Variants in CDH12 observed in about 807,000 individuals in gnomAD.
CDH12 encodes cadherin-12.
CDH12 carries 41 observed loss-of-function variants against 74.1 expected under a neutral mutation model. The observed-to-expected ratio is 0.55, with a 90% CI of 0.43 to 0.72. The LOEUF is 0.72. Ranked by LOEUF, CDH12 falls within the 30% of genes least tolerant of loss-of-function variation. The pLI is 0.00. For missense variants in CDH12, 945 were observed against 977.2 expected (o/e 0.97, Z 0.44); for synonymous variants, 399 against 355.0 (o/e 1.12, Z -1.39).
chr5:22,572,118 TA>T (rs1050508992), intron 1 of CDH12, among the ~76,000 whole-genome samples: 2 of 152,132 alleles, frequency 1.3e-5, no homozygotes, highest in African/African-American at 4.8e-5. Flanking sequence ...CTTGAGTCTT[TA>T]CAAGTAAACA....
chr5:22,657,967 A>C (rs999870582), intron 1 of CDH12, among the ~76,000 whole-genome samples: 1 of 152,220 alleles, frequency 6.6e-6, no homozygotes, highest in African/African-American at 2.4e-5. Context: ...GCAATCAATA[A>C]AAGCTCATGA....
chr5:21,975,097 G>A lies in CDH12; in HGVS notation c.520C>T (p.Pro174Ser). 6.3e-7 allele frequency: 1 copy of A among 1,593,462 alleles called. No individual in the cohort carries two copies. The highest frequency in any genetic ancestry group is 8.5e-7 in the Non-Finnish European group (1 of 1,177,500). The change falls in exon 6 of 15, where the codon CCT becomes TCT. Residue 174 changes from proline (P) to serine (S), a missense_variant. Coordinates refer to ENST00000382254, the MANE Select transcript of CDH12 (RefSeq NM_004061.5). ...TTTTGATTTGCCTACTCACCCACAGGAGACATTTCTGGAACAGTAGCAACA... is the reference window on the plus strand; with the variant it reads ...TTTTGATTTGCCTACTCACCCACAGAAGACATTTCTGGAACAGTAGCAACA... Reference protein sequence around the residue: ...PYVATVPEMSPVGAYVLQVKA... With the variant: ...PYVATVPEMSSVGAYVLQVKA...
chr5:22,384,470 G>C (rs1008388253), intron 3 of CDH12, among the ~76,000 whole-genome samples: 2 of 137,236 alleles, frequency 1.5e-5, no homozygotes, highest in African/African-American at 2.7e-5. Context: ...AGCTTGCAGT[G>C]AGCCGAGATT....
At chr5:21,964,473 T>C (rs1424188896) in intron 6 of CDH12, among the ~76,000 whole-genome samples, 1 of 152,010 alleles carries the variant, frequency 6.6e-6, no homozygotes, top group Admixed American at 6.6e-5. Context: ...TAGCACTAGT[T>C]ACCCTCAGGA....
intron 1 of CDH12, among the ~76,000 whole-genome samples, chr5:22,742,191 G>GAAGAAAGA (rs10684584): frequency 2.7e-5 from 4 of 149,666 alleles, no homozygotes; most frequent in Admixed American, 1.3e-4. Context: ...CAAAAAAAAA[G>GAAGAAAGA]AAGAAAGAAA....
Position 22,754,569 on chromosome 5 carries a change from C to CA in CDH12, c.-523+98488dup, listed in dbSNP as rs72233503. ...GAGAGGGAAGGAAGTGGAAAGCAGACAAAAAAAAAAAAAAAACAACAGCAG... is the reference window on the plus strand; with the variant it reads ...GAGAGGGAAGGAAGTGGAAAGCAGACAAAAAAAAAAAAAAAAACAACAGCAG... On this transcript the variant is annotated intron_variant, in intron 1 of 14. Transcript: ENST00000382254. Among the ~76,000 whole-genome samples, 257 of 132,044 alleles carry CA rather than the reference C, an allele frequency of 1.9e-3. 3 individuals carry two copies. The highest frequency in any genetic ancestry group is 4.4e-3 in the East Asian group (19 of 4,366). 86.6% of individuals were successfully genotyped at this position (132,044 alleles called of 152,430 possible).
rs529147063 is a variant in CDH12, at chr5:22,653,409, G to A, written c.-522-148045C>T. ...TTCCAAACAGCCCTGCTCTTCCTAA[G>A]GCCCACGACGGAGCCATCGTTTGTG... On this transcript the variant is annotated intron_variant, in intron 1 of 14. Transcript: ENST00000382254. Among the ~76,000 whole-genome samples, 18 of 151,984 alleles carry A rather than the reference G, an allele frequency of 1.2e-4. No individual in the cohort carries two copies. In the South Asian group the frequency reaches 2.9e-3, roughly 25 times the overall value.
At chr5:21,768,754 G>A (rs1258234654) in intron 11 of CDH12, among the ~76,000 whole-genome samples, 1 of 152,002 alleles carries the variant, frequency 6.6e-6, no homozygotes, top group Non-Finnish European at 1.5e-5. Flanking sequence ...GTCTCTTTCA[G>A]AAATAGAGGA....
chr5:22,088,227 T>C (rs1041893942), intron 4 of CDH12, among the ~76,000 whole-genome samples: 1 of 152,172 alleles, frequency 6.6e-6, no homozygotes, highest in African/African-American at 2.4e-5. Context: ...CTTAAGTGTA[T>C]TCAGCAAACA....
At chr5:22,397,344 G>T (rs1266800198) in intron 3 of CDH12, among the ~76,000 whole-genome samples, 1 of 151,966 alleles carries the variant, frequency 6.6e-6, no homozygotes, top group Non-Finnish European at 1.5e-5. Flanking sequence ...AGCCAAGCCA[G>T]TTTATAAGCC....
chr5:22,719,449 G>T (rs1389683215), intron 1 of CDH12, among the ~76,000 whole-genome samples: 2 of 152,152 alleles, frequency 1.3e-5, no homozygotes, highest in Non-Finnish European at 2.9e-5. Context: ...TCCATCCTTT[G>T]CATTTGCCTA....
chr5:21,829,583 A>G (rs1748888779), intron 8 of CDH12, among the ~76,000 whole-genome samples: 1 of 152,172 alleles, frequency 6.6e-6, no homozygotes, highest in Admixed American at 6.5e-5. Flanking sequence ...CATAAAAACT[A>G]CTTTAGAAGT....
intron 4 of CDH12, among the ~76,000 whole-genome samples, chr5:22,169,557 CACT>C (rs1264816104): frequency 6.6e-6 from 1 of 151,928 alleles, no homozygotes; most frequent in Non-Finnish European, 1.5e-5. Flanking sequence ...GAGAAAATCA[CACT>C]TGAAAGATAA....
At chr5:22,304,073 A>C (rs1398011845) in intron 3 of CDH12, among the ~76,000 whole-genome samples, 1 of 152,194 alleles carries the variant, frequency 6.6e-6, no homozygotes, top group African/African-American at 2.4e-5. Context: ...ATTTAATAAA[A>C]GTTTTCTGTC....
At chr5:22,743,070 A>G (rs1745108275) in intron 1 of CDH12, among the ~76,000 whole-genome samples, 1 of 151,314 alleles carries the variant, frequency 6.6e-6, no homozygotes, top group South Asian at 2.1e-4. Flanking sequence ...TATCAAACCA[A>G]AATATTAGCT....
At chr5:21,863,421 CAT>C (rs1483938325) in intron 6 of CDH12, among the ~76,000 whole-genome samples, 2 of 152,312 alleles carry the variant, frequency 1.3e-5, no homozygotes, top group African/African-American at 2.4e-5. Context: ...AAACTCAGTA[CAT>C]GTTTTTTCTT....
At chr5:21,936,297 TCTTAA>T (rs1755071801) in intron 6 of CDH12, among the ~76,000 whole-genome samples, 1 of 152,228 alleles carries the variant, frequency 6.6e-6, no homozygotes, top group Non-Finnish European at 1.5e-5. Flanking sequence ...AACTGGGGCC[TCTTAA>T]CTTTTTCCCC....
intron 3 of CDH12, among the ~76,000 whole-genome samples, chr5:22,339,908 A>T (rs369232017): frequency 6.6e-6 from 1 of 152,190 alleles, no homozygotes; most frequent in African/African-American, 2.4e-5. Flanking sequence ...TTTCCTTAAA[A>T]TTTAAATTTA....
chr5:22,566,250 T>C (rs527396998), intron 1 of CDH12, among the ~76,000 whole-genome samples: 1 of 151,582 alleles, frequency 6.6e-6, no homozygotes, highest in South Asian at 2.1e-4. Flanking sequence ...TCTTTTTTTT[T>C]TTTTTGAGAT....
Sources: gnomAD v4.1 joint callset for allele counts (sites outside exome capture counted in the v4.1 genomes callset) on GRCh38, gnomAD v4.1.1 for gene constraint, MANE v1.5 for transcripts, NCBI Gene and HGNC (gene_info 2026-07-23, HGNC 2026-07-21) for gene names.